SLC24A3: variants seen among roughly 807,000 people sequenced by gnomAD.
SLC24A3 encodes sodium/potassium/calcium exchanger 3.
SLC24A3 carries 28 observed loss-of-function variants against 75.8 expected under a neutral mutation model. That is an observed-to-expected ratio of 0.37 (90% CI 0.27 to 0.51). SLC24A3 has a LOEUF of 0.51. Ranked by LOEUF, SLC24A3 falls within the 20% of genes least tolerant of loss-of-function variation. The pLI, the probability that SLC24A3 is intolerant of heterozygous loss-of-function variation, is 0.94. For synonymous variants in SLC24A3, 372 were observed against 334.1 expected (o/e 1.11, Z -1.24); for missense variants, 663 against 847.8 (o/e 0.78, Z 2.71).
chr20:19,304,148 C>T (rs908309717), intron 2 of SLC24A3, among the ~76,000 whole-genome samples: 1 of 152,208 alleles, frequency 6.6e-6, no homozygotes, highest in Non-Finnish European at 1.5e-5. Flanking sequence ...ATCATATCTT[C>T]CCTAGCTTCT....
chr20:19,324,210 G>A (rs908545301), intron 2 of SLC24A3, among the ~76,000 whole-genome samples: 16 of 152,104 alleles, frequency 1.1e-4, no homozygotes, highest in Non-Finnish European at 8.8e-5. Flanking sequence ...TCACTGTGGC[G>A]GATGAGAAGT....
intron 2 of SLC24A3, among the ~76,000 whole-genome samples, chr20:19,510,623 G>A (rs1429325142): frequency 6.6e-6 from 1 of 152,132 alleles, no homozygotes; most frequent in Admixed American, 6.5e-5. Flanking sequence ...TGTAAGAGTG[G>A]GACCCCAATC....
At chr20:19,720,557 A>G (rs1046506922) in intron 16 of SLC24A3, among the ~76,000 whole-genome samples, 4 of 150,016 alleles carry the variant, frequency 2.7e-5, no homozygotes, top group African/African-American at 9.8e-5. Context: ...GGAACTTCTC[A>G]CCTCCAGACG....
intron 1 of SLC24A3, among the ~76,000 whole-genome samples, chr20:19,271,254 G>C (rs193266468): frequency 5.3e-5 from 8 of 151,974 alleles, no homozygotes; most frequent in Non-Finnish European, 1.2e-4. Flanking sequence ...CCTCACTAAT[G>C]ATCAGGGAAA....
intron 2 of SLC24A3, among the ~76,000 whole-genome samples, chr20:19,372,292 G>A (rs1986006425): frequency 6.6e-6 from 1 of 152,132 alleles, no homozygotes; most frequent in South Asian, 2.1e-4. Context: ...AGGGAAGGCA[G>A]GAATGAATAT....
intron 2 of SLC24A3, among the ~76,000 whole-genome samples, chr20:19,499,368 G>T (rs977985514): frequency 6.6e-6 from 1 of 152,200 alleles, no homozygotes; most frequent in Non-Finnish European, 1.5e-5. Context: ...GCATGGTTAA[G>T]TTCTGGCAAG....
intron 2 of SLC24A3, among the ~76,000 whole-genome samples, chr20:19,447,931 T>C (rs1186665751): frequency 6.6e-6 from 1 of 152,216 alleles, no homozygotes; most frequent in Admixed American, 6.5e-5. Flanking sequence ...CATACATGCG[T>C]GAATGAATGT....
At chr20:19,566,952 AAG>A (rs1335987111) in intron 3 of SLC24A3, among the ~76,000 whole-genome samples, 1 of 152,212 alleles carries the variant, frequency 6.6e-6, no homozygotes, top group Non-Finnish European at 1.5e-5. Flanking sequence ...TTCAAACCAC[AAG>A]TAGATGCCAT....
intron 15 of SLC24A3, among the ~76,000 whole-genome samples, chr20:19,707,777 A>T (rs1430526071): frequency 6.6e-6 from 1 of 152,226 alleles, no homozygotes; most frequent in Non-Finnish European, 1.5e-5. Flanking sequence ...AAGCTGGGAG[A>T]TGAGGAACAC....
chr20:19,324,043 C>T (rs1182592114), intron 2 of SLC24A3, among the ~76,000 whole-genome samples: 1 of 152,124 alleles, frequency 6.6e-6, no homozygotes, highest in African/African-American at 2.4e-5. Flanking sequence ...TCACAGTGCC[C>T]GGCGCAGGAT....
At chr20:19,269,969 G>A (rs574241316) in intron 1 of SLC24A3, among the ~76,000 whole-genome samples, 1 of 152,158 alleles carries the variant, frequency 6.6e-6, no homozygotes, top group Admixed American at 6.5e-5. Context: ...CCCACTACCG[G>A]TCAGAACATC....
At chr20:19,305,670 A>C (rs779765454) in intron 2 of SLC24A3, among the ~76,000 whole-genome samples, 3 of 152,298 alleles carry the variant, frequency 2.0e-5, no homozygotes, top group Middle Eastern at 6.8e-3. Context: ...TCCTTACGCG[A>C]TAAACGGTGC....
At chr20:19,394,100 A>G (rs1373053194) in intron 2 of SLC24A3, among the ~76,000 whole-genome samples, 3 of 152,236 alleles carry the variant, frequency 2.0e-5, no homozygotes, top group East Asian at 1.9e-4. Flanking sequence ...AGACTATTCA[A>G]TGGGGAAAGG....
chr20:19,231,046 C>T (rs772454868), intron 1 of SLC24A3, among the ~76,000 whole-genome samples: 19 of 152,298 alleles, frequency 1.2e-4, no homozygotes, highest in South Asian at 2.1e-4. Flanking sequence ...GTTTACCCCA[C>T]GTAATTATCT....
chr20:19,599,647 G>A (rs907670592), intron 6 of SLC24A3, among the ~76,000 whole-genome samples: 1 of 152,198 alleles, frequency 6.6e-6, no homozygotes, highest in African/African-American at 2.4e-5. Flanking sequence ...TCCGAGCTAC[G>A]TTTATGCATG....
chr20:19,559,093 T>G (rs1446333844), intron 3 of SLC24A3, among the ~76,000 whole-genome samples: 1 of 152,230 alleles, frequency 6.6e-6, no homozygotes, highest in African/African-American at 2.4e-5. Flanking sequence ...ACCAGCAATA[T>G]CTGAGGTTCC....
chr20:19,611,436 C>G (rs2031670339), intron 6 of SLC24A3, among the ~76,000 whole-genome samples: 1 of 152,186 alleles, frequency 6.6e-6, no homozygotes, highest in Admixed American at 6.5e-5. Context: ...CCACTTAGGA[C>G]TCTCTAAGCA....
chr20:19,358,517 T>G (rs1394029642), intron 2 of SLC24A3, among the ~76,000 whole-genome samples: 2 of 152,108 alleles, frequency 1.3e-5, no homozygotes, highest in Admixed American at 1.3e-4. Context: ...TACAGATGAG[T>G]GTATTTTTAA....
At chr20:19,688,807 A>G (rs1039137912) in intron 12 of SLC24A3, among the ~76,000 whole-genome samples, 3 of 152,200 alleles carry the variant, frequency 2.0e-5, no homozygotes, top group Middle Eastern at 3.2e-3. Context: ...GAGTTCATAT[A>G]TGTACATATA....
Sources: allele counts gnomAD v4.1 joint callset (sites outside exome capture counted in the v4.1 genomes callset), GRCh38; gene constraint gnomAD v4.1.1; transcripts MANE v1.5; gene names NCBI Gene and HGNC (gene_info 2026-07-23, HGNC 2026-07-21).